SLC9A9: variants seen among roughly 807,000 people sequenced by gnomAD.
SLC9A9 encodes solute carrier family 9 member A9, also known as sodium/hydrogen exchanger 9.
A neutral mutation model predicts 77.8 loss-of-function variants in SLC9A9; 62 were observed. That is an observed-to-expected ratio of 0.80 (90% CI 0.65 to 0.98). SLC9A9 has a LOEUF of 0.98. Ranked by LOEUF, SLC9A9 falls within the 50% of genes least tolerant of loss-of-function variation. SLC9A9 has a pLI of 0.00. For synonymous variants in SLC9A9, 320 were observed against 283.5 expected (o/e 1.13, Z -1.29); for missense variants, 775 against 774.9 (o/e 1.00, Z 0.00).
At chr3:143,524,517 T>C (rs372730611) in intron 9 of SLC9A9, among the ~76,000 whole-genome samples, 9 of 152,188 alleles carry the variant, frequency 5.9e-5, no homozygotes, top group Admixed American at 4.6e-4. Flanking sequence ...AATGGCCATT[T>C]TGAAAATGTT....
chr3:143,572,974 G>A (rs2037290197), intron 8 of SLC9A9, among the ~76,000 whole-genome samples: 1 of 152,110 alleles, frequency 6.6e-6, no homozygotes, highest in African/African-American at 2.4e-5. Context: ...TTCATTTGAG[G>A]TAGAAATGCG....
At chr3:143,321,396 G>A (rs537118783) in intron 14 of SLC9A9, among the ~76,000 whole-genome samples, 15 of 152,210 alleles carry the variant, frequency 9.9e-5, no homozygotes, top group Non-Finnish European at 1.9e-4. Flanking sequence ...TTCCCTTTGT[G>A]CCAAGGATCC....
At chr3:143,394,547 C>G (rs893190536) in intron 12 of SLC9A9, among the ~76,000 whole-genome samples, 1 of 152,184 alleles carries the variant, frequency 6.6e-6, no homozygotes, top group African/African-American at 2.4e-5. Context: ...TGCTACAAGA[C>G]AGGGATGCCC....
At chr3:143,584,520 T>C (rs1255321590) in intron 6 of SLC9A9, among the ~76,000 whole-genome samples, 1 of 152,222 alleles carries the variant, frequency 6.6e-6, no homozygotes, top group African/African-American at 2.4e-5. Flanking sequence ...TCTATTAATT[T>C]AGTCATTACA....
intron 4 of SLC9A9, among the ~76,000 whole-genome samples, chr3:143,737,009 T>A (rs1934956876): frequency 6.6e-6 from 1 of 152,212 alleles, no homozygotes; most frequent in Non-Finnish European, 1.5e-5. Flanking sequence ...AGAGCAAAGC[T>A]CTAATAATAT....
chr3:143,733,848 A>G (rs1934871525), intron 4 of SLC9A9, among the ~76,000 whole-genome samples: 1 of 152,090 alleles, frequency 6.6e-6, no homozygotes, highest in East Asian at 1.9e-4. Context: ...GACTATCCCC[A>G]AGAAAAGGGA....
intron 14 of SLC9A9, among the ~76,000 whole-genome samples, chr3:143,313,644 G>C (rs1436967900): frequency 6.6e-6 from 1 of 152,190 alleles, no homozygotes; most frequent in Non-Finnish European, 1.5e-5. Flanking sequence ...TCTGCATATA[G>C]AAATACCATG....
chr3:143,701,528 A>G (rs1277907976), intron 4 of SLC9A9, among the ~76,000 whole-genome samples: 1 of 152,202 alleles, frequency 6.6e-6, no homozygotes, highest in African/African-American at 2.4e-5. Flanking sequence ...GAAAGAATGC[A>G]TCGGAGTCTT....
intron 12 of SLC9A9, among the ~76,000 whole-genome samples, chr3:143,386,965 T>C (rs6440166): frequency 0.83 from 125,830 of 152,130 alleles, 52,293 homozygotes; most frequent in African/African-American, 0.9. Context: ...CTTAGCCCCC[T>C]GAGTAGCTGG....
chr3:143,299,043 G>A (rs567223484), intron 14 of SLC9A9, among the ~76,000 whole-genome samples: 4 of 152,214 alleles, frequency 2.6e-5, no homozygotes, highest in East Asian at 1.9e-4. Flanking sequence ...TTGTATGCTC[G>A]GTTCCTGGCA....
At chr3:143,420,043 G>A (rs1430431511) in intron 12 of SLC9A9, among the ~76,000 whole-genome samples, 2 of 152,200 alleles carry the variant, frequency 1.3e-5, no homozygotes, top group East Asian at 1.9e-4. Flanking sequence ...CATGGCCAGA[G>A]TTCCATGAAT....
At chr3:143,475,205 G>T (rs1559932053) in intron 11 of SLC9A9, among the ~76,000 whole-genome samples, 1 of 150,346 alleles carries the variant, frequency 6.7e-6, no homozygotes, top group Non-Finnish European at 1.5e-5. Flanking sequence ...CTGACTCTGT[G>T]ATCTACCCGC....
rs1559928903 is a variant in SLC9A9, at chr3:143,467,122, ACAT to A, written c.1381_1383del (p.Met461del). ...AACACGAGGAGCAGCGTAGTGGTAA[ACAT>A]CATTTGTTTGGGCTGAGATTCTGTG... On this transcript the variant is annotated inframe_deletion, in exon 12 of 16. Coordinates refer to ENST00000316549, the MANE Select transcript of SLC9A9 (RefSeq NM_173653.4). The A allele has an allele frequency of 6.2e-7, 1 of 1,614,166 alleles. No individual in the cohort carries two copies. Among genetic ancestry groups the A allele is most frequent in the Admixed American group, 1.7e-5 (1 of 60,024 alleles).
chr3:143,806,989 G>A (rs2008734654), intron 2 of SLC9A9, among the ~76,000 whole-genome samples: 1 of 152,158 alleles, frequency 6.6e-6, no homozygotes, highest in South Asian at 2.1e-4. Flanking sequence ...GCCTGTTTGG[G>A]CATTGTCAGA....
intron 12 of SLC9A9, among the ~76,000 whole-genome samples, chr3:143,449,843 A>ATATATATTTT (rs1559921721): frequency 2.7e-5 from 2 of 75,452 alleles, no homozygotes; most frequent in Non-Finnish European, 4.5e-5. Context: ...TATATGTATT[A>ATATATATTTT]TATATATATA....
intron 14 of SLC9A9, among the ~76,000 whole-genome samples, chr3:143,352,461 G>A (rs1462755827): frequency 2.2e-5 from 3 of 136,176 alleles, no homozygotes; most frequent in African/African-American, 1.1e-4. Context: ...TTCAAGGGAT[G>A]TCAAAGGCAA....
At chr3:143,532,183 C>G (rs911590199) in intron 9 of SLC9A9, among the ~76,000 whole-genome samples, 1 of 152,086 alleles carries the variant, frequency 6.6e-6, no homozygotes, top group Non-Finnish European at 1.5e-5. Flanking sequence ...CAGTGGTATG[C>G]TGCTAGATGT....
At chr3:143,512,516 G>A (rs939801626) in intron 9 of SLC9A9, among the ~76,000 whole-genome samples, 1 of 152,206 alleles carries the variant, frequency 6.6e-6, no homozygotes, top group African/African-American at 2.4e-5. Context: ...TGGTTTCACA[G>A]TGTATATAAA....
In SLC9A9 at chr3:143,265,589, T is replaced by C; in HGVS notation, c.*1113A>G. ...TGAACATCTGGATTTCAAGAGGTGC[T>C]AGGCTTGAGGTATCTTTATGGCTTA... On this transcript the variant is annotated 3_prime_UTR_variant, in exon 16 of 16. Transcript: ENST00000316549. 3.3e-6 allele frequency: 1 copy of C among 302,688 alleles called. No homozygotes were observed. 18.8% of individuals were successfully genotyped at this position (302,688 alleles called of 1,614,324 possible). A position where few individuals can be genotyped will look rare whatever the true frequency, so the allele number is the denominator to read the frequency against.
Sources: gnomAD v4.1 joint callset for allele counts (sites outside exome capture counted in the v4.1 genomes callset) on GRCh38, gnomAD v4.1.1 for gene constraint, MANE v1.5 for transcripts, NCBI Gene and HGNC (gene_info 2026-07-23, HGNC 2026-07-21) for gene names.